The following HSF5 variants were observed in gnomAD, a reference collection of about 807,000 sequenced individuals.
HSF5 encodes the protein heat shock factor protein 5.
In HSF5, 5 loss-of-function variants were observed where a neutral mutation model predicts 50.8. That is an observed-to-expected ratio of 0.10 (90% CI 0.05 to 0.21). The LOEUF is 0.21. Ranked by LOEUF, HSF5 falls within the 10% of genes least tolerant of loss-of-function variation. The probability of loss-of-function intolerance (pLI) is 1.00; values close to 1 mark genes in which losing one functional copy is unlikely to be tolerated. For missense variants in HSF5, 564 were observed against 762.6 expected, an observed-to-expected ratio of 0.74 and a Z score of 3.07; for synonymous variants, 307 against 307.4, an observed-to-expected ratio of 1.00 and a Z score of 0.02.
At chr17:58,463,396 A>G in intron 3 of HSF5, 93 bp from the exon 4 acceptor site, 1 of 969,748 alleles carries the variant, frequency 1.0e-6, no homozygotes, top group Middle Eastern at 3.3e-4. Flanking sequence ...AGTGCTAAAC[A>G]TAAATAGATT....
intron 1 of HSF5, among the ~76,000 whole-genome samples, chr17:58,481,686 C>G (rs761596173): frequency 1.3e-5 from 2 of 152,212 alleles, no homozygotes; most frequent in Non-Finnish European, 2.9e-5. Context: ...CATTCTATTT[C>G]TGTAGTTTAA....
intron 2 of HSF5, chr17:58,476,149 C>G: frequency 9.5e-7 from 1 of 1,054,128 alleles, no homozygotes; most frequent in Non-Finnish European, 1.4e-6. Context: ...CTCCTTCATC[C>G]TTCTCTCCTT....
At chr17:58,487,682 C>A (rs954346654) in intron 1 of HSF5, 43 bp downstream of exon 1, 1 of 1,364,502 alleles carries the variant, frequency 7.3e-7, no homozygotes, top group East Asian at 2.9e-5. Flanking sequence ...CCCCGCCGCC[C>A]ATGTGCCCAC....
intron 5 of HSF5, among the ~76,000 whole-genome samples, chr17:58,456,007 G>A (rs1974706139): frequency 6.6e-6 from 1 of 152,114 alleles, no homozygotes; most frequent in Non-Finnish European, 1.5e-5. Flanking sequence ...GATGAAATCA[G>A]TATGTTGAAG....
At position 58,466,970 on chromosome 17, in the gene HSF5, T is replaced by C. The variant is rs772731829; in HGVS notation, c.935A>G (p.Gln312Arg). ...SQAYYPTAVL[Q>R]CCSPTHMDAL... ...ATCCATGTGGGTAGGAGAACAGCAC[T>C]GTAGCACAGCTGGAACAAATTCAAA... is the stretch of plus-strand genomic sequence containing the variant. The change falls in exon 3 of 6, where the codon CAG becomes CGG. Residue 312 changes from glutamine to arginine, a missense_variant. Physicochemically the swap from Gln to Arg is conservative, Grantham distance 43. Transcript: ENST00000323777. 1.2e-6 allele frequency: 2 copies of C among 1,607,928 alleles called. No individual in the cohort carries two copies. Among genetic ancestry groups the C allele is most frequent in the Non-Finnish European group, 1.7e-6 (2 of 1,174,476 alleles).
At chr17:58,429,841 G>GT in intron 5 of HSF5, among the ~76,000 whole-genome samples, 2 of 88,360 alleles carry the variant, frequency 2.3e-5, no homozygotes, top group Middle Eastern at 0.014. Flanking sequence ...GCAAGACTCT[G>GT]TAAAAAAAAA....
intron 5 of HSF5, among the ~76,000 whole-genome samples, chr17:58,432,964 C>T (rs959462926): frequency 2.6e-5 from 4 of 152,130 alleles, no homozygotes; most frequent in African/African-American, 7.2e-5. Context: ...AAGGGAGACT[C>T]CAAGAGTTGT....
At chr17:58,430,228 C>A (rs1381801022) in intron 5 of HSF5, among the ~76,000 whole-genome samples, 2 of 152,108 alleles carry the variant, frequency 1.3e-5, no homozygotes, top group African/African-American at 4.8e-5. Context: ...CACCCACCAC[C>A]ACACCCGGCT....
chr17:58,454,614 T>C (rs1048405994), intron 5 of HSF5, among the ~76,000 whole-genome samples: 1 of 152,206 alleles, frequency 6.6e-6, no homozygotes, highest in Non-Finnish European at 1.5e-5. Flanking sequence ...AAATTGGAAC[T>C]AATAAATGAA....
chr17:58,462,639 ACT>A lies in HSF5; in HGVS notation c.1542+141_1542+142del, dbSNP rs1360792526. On this transcript the variant is annotated intron_variant, in intron 4 of 5. Coordinates refer to ENST00000323777, the MANE Select transcript of HSF5 (RefSeq NM_001080439.3). Reference sequence around the variant, plus strand: ...CTTTCTGAATCTTTTGTGCAGAACCACTGGGACATGATCCTCCTGGAAACCAT... The same window carrying A: ...CTTTCTGAATCTTTTGTGCAGAACCAGGGACATGATCCTCCTGGAAACCAT... The A allele has an allele frequency of 4.0e-6, 3 of 741,712 alleles. No individual in the cohort carries two copies. The African/African-American group carries it at 5.2e-5, about 13-fold the overall frequency. The allele number at this position is 741,712 out of a possible 1,614,324, so 45.9% of individuals were successfully genotyped here.
In HSF5 at chr17:58,422,425, G is replaced by A; in HGVS notation, c.1726C>T (p.His576Tyr). 1 of 1,613,692 alleles carries A rather than the reference G, an allele frequency of 6.2e-7. No individual in the cohort carries two copies. The highest frequency in any genetic ancestry group is 8.5e-7 in the Non-Finnish European group (1 of 1,179,704). ...TTGCAGGCCACGTCCACCAGCAGATGAAGATCTAGAAAGAAAGGATAGTTT... is the reference window on the plus strand; with the variant it reads ...TTGCAGGCCACGTCCACCAGCAGATAAAGATCTAGAAAGAAAGGATAGTTT... The part of the protein sequence containing the change: ...NSQQGKSPDL[H>Y]LLVDVACKQE... Residue 576 changes from histidine to tyrosine, a missense_variant, in exon 6 of 6, where the codon CAT becomes TAT. Physicochemically the swap from His to Tyr is moderately conservative, Grantham distance 83. Transcript: ENST00000323777.
Position 58,484,945 on chromosome 17 carries a change from A to AT in HSF5, c.550+2779dup, listed in dbSNP as rs143908081. 5.4e-4 allele frequency among the ~76,000 whole-genome samples: 35 copies of AT among 65,130 alleles called. 1 individual carries two copies. The highest frequency in any genetic ancestry group is 1.0e-3 in the African/African-American group (16 of 15,258). 42.7% of individuals were successfully genotyped at this position (65,130 alleles called of 152,430 possible). A position where few individuals can be genotyped will look rare whatever the true frequency, so the allele number is the denominator to read the frequency against. On this transcript the variant is annotated intron_variant, in intron 1 of 5. Coordinates refer to ENST00000323777, the MANE Select transcript of HSF5 (RefSeq NM_001080439.3). ...TTCCATTAACTCAAAAATAACCCAG[A>AT]TTTTTTTTTTTTTTTTTTTTTTTTT...
At chr17:58,443,167 A>G (rs972328156) in intron 5 of HSF5, among the ~76,000 whole-genome samples, 1 of 151,906 alleles carries the variant, frequency 6.6e-6, no homozygotes, top group Non-Finnish European at 1.5e-5. Flanking sequence ...TTGGCCTCCC[A>G]AAGTGTAATT....
chr17:58,477,102 G>GAT (rs964390682), intron 2 of HSF5, among the ~76,000 whole-genome samples: 39 of 150,004 alleles, frequency 2.6e-4, no homozygotes, highest in Admixed American at 6.0e-4. Flanking sequence ...ATGGGCTAGG[G>GAT]ATATATATAT....
chr17:58,434,244 C>T (rs571726858), intron 5 of HSF5, among the ~76,000 whole-genome samples: 17 of 151,790 alleles, frequency 1.1e-4, no homozygotes, highest in African/African-American at 3.4e-4. Flanking sequence ...GAACCTATGA[C>T]GACATGTTTG....
chr17:58,428,352 G>A (rs529684944), intron 5 of HSF5, among the ~76,000 whole-genome samples: 15 of 152,070 alleles, frequency 9.9e-5, no homozygotes, highest in Non-Finnish European at 1.8e-4. Context: ...AGTCATTAGG[G>A]GAATGCAAAT....
intron 5 of HSF5, among the ~76,000 whole-genome samples, chr17:58,442,009 A>T (rs998121266): frequency 7.9e-5 from 12 of 152,256 alleles, no homozygotes; most frequent in Admixed American, 7.2e-4. Context: ...TCTAACAGAA[A>T]AGAATTTCAT....
intron 5 of HSF5, among the ~76,000 whole-genome samples, chr17:58,427,151 C>T (rs1049096022): frequency 2.2e-4 from 33 of 152,108 alleles, no homozygotes; most frequent in African/African-American, 8.0e-4. Flanking sequence ...GCTATAGTCC[C>T]AGCTACTCAG....
At chr17:58,473,257 CTA>C (rs1240156648) in intron 2 of HSF5, among the ~76,000 whole-genome samples, 1 of 151,740 alleles carries the variant, frequency 6.6e-6, no homozygotes, top group Non-Finnish European at 1.5e-5. Flanking sequence ...ATAGTGATTA[CTA>C]TATAAGTATG....
Sources: gnomAD v4.1 joint callset for allele counts (sites outside exome capture counted in the v4.1 genomes callset) on GRCh38, gnomAD v4.1.1 for gene constraint, MANE v1.5 for transcripts, NCBI Gene and HGNC (gene_info 2026-07-23, HGNC 2026-07-21) for gene names.